The following WDFY3 variants were observed in gnomAD, a reference collection of about 807,000 sequenced individuals.
The protein encoded by WDFY3 is WD repeat and FYVE domain-containing protein 3.
In WDFY3, 66 loss-of-function variants were observed where a neutral mutation model predicts 409.6. That is an observed-to-expected ratio of 0.16 (90% CI 0.13 to 0.20). WDFY3 has a LOEUF of 0.20. Ranked by LOEUF, WDFY3 falls within the 10% of genes least tolerant of loss-of-function variation. The probability of loss-of-function intolerance (pLI) is 1.00; values close to 1 mark genes in which losing one functional copy is unlikely to be tolerated. For missense variants in WDFY3, 3,031 were observed against 4,298.1 expected (o/e 0.71, Z 8.24); for synonymous variants, 1,521 against 1,537.1 (o/e 0.99, Z 0.25).
At chr4:84,772,175 A>C (rs1404593791) in intron 30 of WDFY3, among the ~76,000 whole-genome samples, 1 of 152,188 alleles carries the variant, frequency 6.6e-6, no homozygotes, top group Non-Finnish European at 1.5e-5. Context: ...CAAATATAAG[A>C]TTCTGAGAAT....
chr4:84,676,423 T>A (rs927408987), intron 67 of WDFY3, among the ~76,000 whole-genome samples: 3 of 152,188 alleles, frequency 2.0e-5, no homozygotes, highest in Non-Finnish European at 4.4e-5. Flanking sequence ...GTGGAGGTAG[T>A]ATTAACTAGC....
chr4:84,746,063 T>C (rs1288072877), intron 36 of WDFY3, among the ~76,000 whole-genome samples: 1 of 151,518 alleles, frequency 6.6e-6, no homozygotes, highest in Non-Finnish European at 1.5e-5. Flanking sequence ...ATCCCAGTAT[T>C]TTGGGAGGCT....
chr4:84,916,447 A>C (rs1579113058), intron 2 of WDFY3, among the ~76,000 whole-genome samples: 1 of 152,256 alleles, frequency 6.6e-6, no homozygotes, highest in African/African-American at 2.4e-5. Context: ...GAATTCACTG[A>C]TTTTCCTTCC....
intron 25 of WDFY3, among the ~76,000 whole-genome samples, chr4:84,781,030 T>C (rs1041816709): frequency 6.6e-6 from 1 of 152,118 alleles, no homozygotes; most frequent in African/African-American, 2.4e-5. Flanking sequence ...TCACTTTAAC[T>C]CTGTGAACTG....
At chr4:84,941,599 TC>T (rs1372671837) in intron 1 of WDFY3, among the ~76,000 whole-genome samples, 9 of 152,204 alleles carry the variant, frequency 5.9e-5, no homozygotes, top group African/African-American at 2.2e-4. Context: ...AGGAATCAGT[TC>T]TTCCCATATT....
chr4:84,786,632 T>G (rs1747602422), intron 23 of WDFY3, among the ~76,000 whole-genome samples: 1 of 152,190 alleles, frequency 6.6e-6, no homozygotes, highest in Non-Finnish European at 1.5e-5. Flanking sequence ...CTTTATCACT[T>G]AAAAGCTGTG....
At chr4:84,901,135 G>C (rs187934093) in intron 2 of WDFY3, among the ~76,000 whole-genome samples, 1 of 152,158 alleles carries the variant, frequency 6.6e-6, no homozygotes, top group Non-Finnish European at 1.5e-5. Context: ...CGTTTAGAAG[G>C]GTCTTAATCC....
chr4:84,778,058 G>A (rs767661628), intron 27 of WDFY3, among the ~76,000 whole-genome samples: 1 of 152,052 alleles, frequency 6.6e-6, no homozygotes, highest in Non-Finnish European at 1.5e-5. Flanking sequence ...AATAGGAGAA[G>A]GATTGATTAG....
chr4:84,833,794 A>T (rs1756158086), intron 7 of WDFY3, among the ~76,000 whole-genome samples: 1 of 152,216 alleles, frequency 6.6e-6, no homozygotes, highest in Admixed American at 6.5e-5. Flanking sequence ...TTTATCTGAG[A>T]AAACTAGGCC....
In WDFY3 at chr4:84,696,841, TTAAAAA is replaced by T; in HGVS notation, c.8597-24_8597-19del. 6.3e-7 allele frequency: 1 copy of T among 1,597,082 alleles called. No homozygotes were observed. Among genetic ancestry groups the T allele is most frequent in the South Asian group, 1.1e-5 (1 of 90,026 alleles). On this transcript the variant is annotated intron_variant, in intron 56 of 67. Transcript: ENST00000295888. ...TTTACAGCCTATGCAATTGGATACA[TTAAAAA>T]TAAAAAAAAAGAAAGAATGGGATAA... is the stretch of plus-strand genomic sequence containing the variant.
chr4:84,733,262 C>T (rs868091454), intron 44 of WDFY3, 120 bp downstream of exon 44: 10 of 1,081,654 alleles, frequency 9.2e-6, no homozygotes, highest in East Asian at 4.7e-5. Context: ...AATTTAATAG[C>T]GTATGTTGAA....
intron 32 of WDFY3, among the ~76,000 whole-genome samples, chr4:84,759,210 TGCAGTAGA>T (rs1420273072): frequency 1.3e-5 from 2 of 152,222 alleles, no homozygotes; most frequent in Non-Finnish European, 2.9e-5. Flanking sequence ...ACTGTAGCCT[TGCAGTAGA>T]GTTTGAAATC....
At chr4:84,805,911 C>T (rs1383211658) in intron 15 of WDFY3, among the ~76,000 whole-genome samples, 1 of 152,122 alleles carries the variant, frequency 6.6e-6, no homozygotes, top group Non-Finnish European at 1.5e-5. Flanking sequence ...GAATAATCAA[C>T]AATGAAAAAG....
intron 1 of WDFY3, among the ~76,000 whole-genome samples, chr4:84,946,076 T>C (rs1180166854): frequency 2.0e-5 from 3 of 152,126 alleles, no homozygotes; most frequent in African/African-American, 4.8e-5. Flanking sequence ...ACAGTGTTAA[T>C]GTGAGTGAAA....
chr4:84,789,661 A>C, intron 22 of WDFY3, 65 bp downstream of exon 22: 1 of 1,519,214 alleles, frequency 6.6e-7, no homozygotes, highest in Non-Finnish European at 9.1e-7. Flanking sequence ...ACACACACAC[A>C]CACACACACC....
intron 17 of WDFY3, 65 bp downstream of exon 17, chr4:84,801,585 A>C: frequency 6.7e-7 from 1 of 1,483,858 alleles, no homozygotes; most frequent in Non-Finnish European, 9.0e-7. Context: ...GAATTCTGGA[A>C]TCATAAGGAC....
intron 1 of WDFY3, among the ~76,000 whole-genome samples, chr4:84,942,765 C>T (rs1772305733): frequency 6.6e-6 from 1 of 152,064 alleles, no homozygotes; most frequent in African/African-American, 2.4e-5. Context: ...GGTTCTTTGT[C>T]TTCTTATTAT....
intron 2 of WDFY3, among the ~76,000 whole-genome samples, chr4:84,926,863 A>C (rs1476310191): frequency 6.6e-6 from 1 of 152,224 alleles, no homozygotes; most frequent in Non-Finnish European, 1.5e-5. Flanking sequence ...TTCTAAGAAA[A>C]AAATTATCAA....
At chr4:84,677,122 G>C in intron 67 of WDFY3, 77 bp downstream of exon 67, 3 of 1,550,722 alleles carry the variant, frequency 1.9e-6, no homozygotes, top group Non-Finnish European at 2.6e-6. Flanking sequence ...GGGCAAATCA[G>C]AACCTGTGTG....
Sources: allele counts gnomAD v4.1 joint callset (sites outside exome capture counted in the v4.1 genomes callset), GRCh38; gene constraint gnomAD v4.1.1; transcripts MANE v1.5; gene names NCBI Gene and HGNC (gene_info 2026-07-23, HGNC 2026-07-21).